MYH14: variants seen among roughly 807,000 people sequenced by gnomAD.
The protein encoded by MYH14 is myosin heavy chain 14, also known as myosin-14.
In MYH14, 123 loss-of-function variants were observed where a neutral mutation model predicts 255.5. That is an observed-to-expected ratio of 0.48 (90% CI 0.42 to 0.56). The LOEUF (loss-of-function observed/expected upper bound fraction) is 0.56. MYH14 is among the 20% of genes least tolerant of loss of function. The pLI is 0.00. For missense variants in MYH14, 2,423 were observed against 2,802.3 expected, an observed-to-expected ratio of 0.86 and a Z score of 3.06; for synonymous variants, 1,095 against 1,161.2, an observed-to-expected ratio of 0.94 and a Z score of 1.16.
rs559051684 is a variant in MYH14 at position 50,307,622 on chromosome 19, T to C, written c.5787+465T>C. Among the ~76,000 whole-genome samples, 3 of 152,348 alleles carry C rather than the reference T, an allele frequency of 2.0e-5. No individual in the cohort carries two copies. In the South Asian group the frequency reaches 6.2e-4, roughly 32 times the overall value. On this transcript the variant is annotated intron_variant, in intron 41 of 42. Transcript: ENST00000642316. ...AGCTGGTAAGAGGTGGGGTCAGTAT[T>C]CAAACCTCAGCACTCTAGCCCCAGA...
intron 5 of MYH14, 122 bp from the exon 6 acceptor site, chr19:50,224,032 T>TGGCCCCCCCCCCCCCCCCCCCC: frequency 1.6e-6 from 1 of 610,332 alleles, no homozygotes. Context: ...ATGCCCGGTT[T>TGGCCCCCCCCCCCCCCCCCCCC]CCCCAGTCCC....
chr19:50,302,217 G>C (rs1487433796), intron 40 of MYH14, among the ~76,000 whole-genome samples: 1 of 149,462 alleles, frequency 6.7e-6, no homozygotes, highest in Admixed American at 6.7e-5. Context: ...CCAGGAGTTT[G>C]AGGCTGCAGT....
In MYH14 at chr19:50,272,754, T is replaced by TG. The variant is rs1298576767; in HGVS notation, c.3467+27dup. 6 of 1,547,578 alleles carry TG rather than the reference T, an allele frequency of 3.9e-6. No individual in the cohort carries two copies. In the South Asian group the frequency reaches 6.0e-5, roughly 15 times the overall value. On this transcript the variant is annotated intron_variant, in intron 27 of 42. Transcript: ENST00000642316. ...CAGGTGCAGGGTGGGGTGGGCTTGG[T>TG]GGGGTAAGCAGCATGGGTGCACGGC...
chr19:50,225,573 T>C lies in MYH14; in HGVS notation c.718-12T>C. 6.2e-7 allele frequency: 1 copy of C among 1,610,882 alleles called. No homozygotes were observed. The highest frequency in any genetic ancestry group is 8.5e-7 in the Non-Finnish European group (1 of 1,178,504). On this transcript the variant is annotated splice_polypyrimidine_tract_variant and intron_variant, in intron 6 of 42. Coordinates refer to ENST00000642316, the MANE Select transcript of MYH14 (RefSeq NM_001145809.2). ...CTCACTGACCTCATGCATCATCTCC[T>C]GTGCCCGGCAGGGTGAGCTGGAGCG...
intron 3 of MYH14, among the ~76,000 whole-genome samples, chr19:50,218,854 A>G (rs574059801): frequency 2.0e-5 from 3 of 151,734 alleles, no homozygotes; most frequent in Non-Finnish European, 1.5e-5. Flanking sequence ...GTGAGAACAT[A>G]CGATGTTTGA....
rs1160160666 is a variant in MYH14 at position 50,310,489 on chromosome 19, T to G, written c.*699T>G. The G allele has an allele frequency of 6.6e-6, 1 of 152,420 alleles. No homozygotes were observed. Among genetic ancestry groups the G allele is most frequent in the Admixed American group, 6.5e-5 (1 of 15,276 alleles). 9.4% of individuals were successfully genotyped at this position (152,420 alleles called of 1,614,324 possible). A position where few individuals can be genotyped will look rare whatever the true frequency, so the allele number is the denominator to read the frequency against. Reference sequence around the variant, plus strand: ...CCCTCTGGGACTAAAGGAGTGTCCTTTACCCTCCCAGCCTCCAGGCTCTGG... The same window carrying G: ...CCCTCTGGGACTAAAGGAGTGTCCTGTACCCTCCCAGCCTCCAGGCTCTGG... On this transcript the variant is annotated 3_prime_UTR_variant, in exon 43 of 43. Coordinates refer to ENST00000642316, the MANE Select transcript of MYH14 (RefSeq NM_001145809.2).
At chr19:50,211,829 A>C (rs560892973) in intron 2 of MYH14, among the ~76,000 whole-genome samples, 1 of 151,430 alleles carries the variant, frequency 6.6e-6, no homozygotes, top group East Asian at 1.9e-4. Flanking sequence ...AAAAAAAAAA[A>C]TACAATAAAT....
At chr19:50,226,989 G>A (rs1428052811) in intron 8 of MYH14, 23 bp downstream of exon 8, 8 of 1,612,982 alleles carry the variant, frequency 5.0e-6, no homozygotes, top group Non-Finnish European at 6.8e-6. Context: ...AGCCCATGGG[G>A]GTGGCAGCCA....
chr19:50,235,392 C>T (rs1421748704), intron 10 of MYH14, among the ~76,000 whole-genome samples: 1 of 37,648 alleles, frequency 2.7e-5, no homozygotes, highest in Non-Finnish European at 9.0e-5. Context: ...TTGGTTGCTC[C>T]AGCTGGCCCC....
At chr19:50,273,460 A>G (rs541567700) in intron 27 of MYH14, among the ~76,000 whole-genome samples, 8 of 152,282 alleles carry the variant, frequency 5.3e-5, no homozygotes, top group African/African-American at 1.9e-4. Context: ...CTGTATGCCA[A>G]ATGTGGTGCT....
rs149102541 is a variant in MYH14, at chr19:50,258,903, T to A, written c.2233-241T>A. On this transcript the variant is annotated intron_variant, in intron 18 of 42. Transcript: ENST00000642316. ...TTTCTCCTTAGCACTTAGTATTTCT[T>A]CTTTATTAGTGACTGCTTCACCTAG... 7.0e-4 allele frequency among the ~76,000 whole-genome samples: 107 copies of A among 152,206 alleles called. 2 individuals are homozygous for A. In the East Asian group the frequency reaches 8.1e-3, roughly 12 times the overall value.
At chr19:50,231,733 AT>A (rs74182430) in intron 9 of MYH14, among the ~76,000 whole-genome samples, 196 bp from the exon 10 acceptor site, 3 of 55,560 alleles carry the variant, frequency 5.4e-5, no homozygotes, top group East Asian at 1.0e-3. Flanking sequence ...AAAAAAAAAA[AT>A]AGAGACAGAG....
intron 3 of MYH14, among the ~76,000 whole-genome samples, chr19:50,218,371 C>T (rs1011601881): frequency 4.3e-4 from 65 of 151,986 alleles, no homozygotes; most frequent in African/African-American, 1.5e-3. Context: ...CTGAGGCAGG[C>T]GGATCACGAG....
At chr19:50,205,268 G>C (rs1047550844) in intron 1 of MYH14, among the ~76,000 whole-genome samples, 2 of 152,168 alleles carry the variant, frequency 1.3e-5, no homozygotes, top group Non-Finnish European at 2.9e-5. Context: ...GCGGGCCCTC[G>C]ACCTTTGCCC....
intron 40 of MYH14, among the ~76,000 whole-genome samples, chr19:50,305,498 GA>G (rs1275522358): frequency 1.3e-5 from 2 of 152,104 alleles, no homozygotes; most frequent in African/African-American, 2.4e-5. Context: ...AGGTGCATGA[GA>G]CAAGTGGTTC....
intron 20 of MYH14, among the ~76,000 whole-genome samples, chr19:50,261,001 C>T (rs936704139): frequency 2.9e-5 from 4 of 138,748 alleles, no homozygotes; most frequent in Admixed American, 7.3e-5. Flanking sequence ...CCCCCACCCC[C>T]GCTTCCTCAT....
chr19:50,267,195 T>A (rs1013686250), intron 23 of MYH14, among the ~76,000 whole-genome samples, 187 bp downstream of exon 23: 1 of 151,524 alleles, frequency 6.6e-6, no homozygotes, highest in Non-Finnish European at 1.5e-5. Context: ...TTTAGTTTGG[T>A]TGAGTCGTGA....
chr19:50,279,131 T>C (rs536831922), intron 30 of MYH14, among the ~76,000 whole-genome samples: 385 of 152,244 alleles, frequency 2.5e-3, no homozygotes, highest in Non-Finnish European at 3.8e-3. Flanking sequence ...ACCCTTTAGC[T>C]ATCATCCCCC....
At chr19:50,292,858 G>C (rs1568547379) in intron 37 of MYH14, among the ~76,000 whole-genome samples, 1 of 151,880 alleles carries the variant, frequency 6.6e-6, no homozygotes, top group Non-Finnish European at 1.5e-5. Context: ...TGCAGAGGAC[G>C]GAGAAGGCAG....
Sources: allele counts gnomAD v4.1 joint callset (sites outside exome capture counted in the v4.1 genomes callset), GRCh38; gene constraint gnomAD v4.1.1; transcripts MANE v1.5; gene names NCBI Gene and HGNC (gene_info 2026-07-23, HGNC 2026-07-21).